SACM1L: variants seen among roughly 807,000 people sequenced by gnomAD.
SACM1L encodes the protein SAC1 like phosphatidylinositide phosphatase, also known as phosphatidylinositol-3-phosphatase SAC1.
Under a neutral mutation model 89.5 loss-of-function variants are expected in SACM1L, and 32 were observed. The ratio of observed to expected loss-of-function variants is 0.36; its 90% CI spans 0.27 to 0.48. SACM1L has a LOEUF of 0.48. SACM1L is among the 20% of genes least tolerant of loss of function. The probability of loss-of-function intolerance (pLI) is 0.99; values close to 1 mark genes in which losing one functional copy is unlikely to be tolerated. For missense variants in SACM1L, 543 were observed against 708.5 expected, an observed-to-expected ratio of 0.77 and a Z score of 2.65; for synonymous variants, 213 against 232.8, an observed-to-expected ratio of 0.92 and a Z score of 0.77.
chr3:45,726,870 T>A (rs374419267), intron 11 of SACM1L, among the ~76,000 whole-genome samples: 3 of 14,310 alleles, frequency 2.1e-4, no homozygotes, highest in South Asian at 1.0e-3. Context: ...GCTTTATTTC[T>A]TTTTTTTTTT....
At chr3:45,737,514 C>G (rs893312734) in intron 14 of SACM1L, 69 bp from the exon 15 acceptor site, 2 of 1,469,552 alleles carry the variant, frequency 1.4e-6, no homozygotes, top group African/African-American at 2.9e-5. Flanking sequence ...TTGGGGACTG[C>G]TTTTTCTTCC....
chr3:45,709,789 T>G, intron 5 of SACM1L, 142 bp downstream of exon 5: 1 of 702,690 alleles, frequency 1.4e-6, no homozygotes. Context: ...ATACCCTGTT[T>G]TAAATATACA....
At chr3:45,690,382 T>C (rs1370945118) in intron 1 of SACM1L, 1 of 152,260 alleles carries the variant, frequency 6.6e-6, no homozygotes, top group Non-Finnish European at 1.5e-5. Flanking sequence ...AGCCTGGGAA[T>C]ATCTGGTAGG....
intron 13 of SACM1L, among the ~76,000 whole-genome samples, chr3:45,734,412 CAAAAA>C (rs571706177): frequency 7.7e-6 from 1 of 129,388 alleles, no homozygotes; most frequent in Admixed American, 7.7e-5. Flanking sequence ...GATTCCATCT[CAAAAA>C]AAAAAGAAAA....
rs559909628 is a variant in SACM1L at position 45,743,902 on chromosome 3, A to G, written c.*233A>G. On this transcript the variant is annotated 3_prime_UTR_variant, in exon 20 of 20. Coordinates refer to ENST00000389061, the MANE Select transcript of SACM1L (RefSeq NM_014016.5). ...TTTGAAGCTATTCTGTAATTAAAAT[A>G]TAACCTGAATTCAGCTTGCAGAATG... 25 of 360,988 alleles carry G rather than the reference A, an allele frequency of 6.9e-5. No homozygotes were observed. The highest frequency in any genetic ancestry group is 3.9e-4 in the African/African-American group (19 of 48,108). The allele number at this position is 360,988 out of a possible 1,614,324, so 22.4% of individuals were successfully genotyped here. A position where few individuals can be genotyped will look rare whatever the true frequency, so the allele number is the denominator to read the frequency against.
At chr3:45,697,294 T>A (rs975261668) in intron 1 of SACM1L, among the ~76,000 whole-genome samples, 1 of 144,738 alleles carries the variant, frequency 6.9e-6, no homozygotes, top group African/African-American at 2.6e-5. Flanking sequence ...TTTTTTTTTT[T>A]AAGACAGGCT....
chr3:45,721,846 T>C (rs548387901), intron 8 of SACM1L, among the ~76,000 whole-genome samples, 154 bp from the exon 9 acceptor site: 2 of 152,332 alleles, frequency 1.3e-5, no homozygotes, highest in East Asian at 3.9e-4. Flanking sequence ...TTTCTGATCA[T>C]GTATAATGAA....
chr3:45,709,341 A>G (rs568439444), intron 4 of SACM1L, among the ~76,000 whole-genome samples, 157 bp from the exon 5 acceptor site: 13 of 152,242 alleles, frequency 8.5e-5, no homozygotes, highest in Admixed American at 2.6e-4. Flanking sequence ...ACTGTCCTAC[A>G]TCCCAGGGAA....
At chr3:45,710,500 C>CTTT (rs11413682) in intron 5 of SACM1L, among the ~76,000 whole-genome samples, 3,146 of 134,052 alleles carry the variant, frequency 0.023, 104 homozygotes, top group African/African-American at 0.078. Context: ...CCCAGTCTGC[C>CTTT]TTTTTTTTTT....
intron 16 of SACM1L, 37 bp from the exon 17 acceptor site, chr3:45,738,541 A>G (rs1019788898): frequency 4.7e-6 from 6 of 1,279,060 alleles, no homozygotes; most frequent in African/African-American, 1.5e-5. Context: ...AATTCAGTGT[A>G]CAAACCTGTA....
intron 19 of SACM1L, among the ~76,000 whole-genome samples, chr3:45,740,419 G>A (rs561784877): frequency 7.2e-5 from 11 of 152,286 alleles, no homozygotes; most frequent in African/African-American, 2.4e-4. Flanking sequence ...GAATTTGCTT[G>A]TGACAGTTTG....
At chr3:45,720,519 T>C (rs1698765000) in intron 8 of SACM1L, among the ~76,000 whole-genome samples, 1 of 152,188 alleles carries the variant, frequency 6.6e-6, no homozygotes, top group Admixed American at 6.5e-5. Flanking sequence ...TATGTGCCCT[T>C]CTCTTCCTCC....
In SACM1L at chr3:45,726,869, C is replaced by CT. The variant is rs1158423503; in HGVS notation, c.921+3353dup. ...CCTCAGCACTGCTTTTGCTTTATTT[C>CT]TTTTTTTTTTTTTTTTTTTTTTTTT... On this transcript the variant is annotated intron_variant, in intron 11 of 19. Transcript: ENST00000389061. 7.8e-3 allele frequency among the ~76,000 whole-genome samples: 406 copies of CT among 52,348 alleles called. 132 individuals carry two copies. Among genetic ancestry groups the CT allele is most frequent in the African/African-American group, 0.026 (284 of 10,790 alleles). The allele number at this position is 52,348 out of a possible 152,430, so 34.3% of individuals were successfully genotyped here. A position where few individuals can be genotyped will look rare whatever the true frequency, so the allele number is the denominator to read the frequency against.
At chr3:45,712,271 G>A (rs551855022) in intron 5 of SACM1L, among the ~76,000 whole-genome samples, 199 of 152,250 alleles carry the variant, frequency 1.3e-3, no homozygotes, top group African/African-American at 4.6e-3. Flanking sequence ...TTGAGACAGA[G>A]TCTTGCTCTG....
At chr3:45,721,487 A>C (rs1698785729) in intron 8 of SACM1L, among the ~76,000 whole-genome samples, 1 of 152,210 alleles carries the variant, frequency 6.6e-6, no homozygotes, top group African/African-American at 2.4e-5. Context: ...ATGCCATTGC[A>C]CTCCAGCCTG....
Position 45,737,524 on chromosome 3 carries a change from C to G in SACM1L, c.1240-59C>G, listed in dbSNP as rs376829991. Reference sequence around the variant, plus strand: ...AAAATTTGGGGACTGCTTTTTCTTCCTAAACCATGTCTGCTAAAATCTATT... The same window carrying G: ...AAAATTTGGGGACTGCTTTTTCTTCGTAAACCATGTCTGCTAAAATCTATT... On this transcript the variant is annotated intron_variant, in intron 14 of 19. Coordinates refer to ENST00000389061, the MANE Select transcript of SACM1L (RefSeq NM_014016.5). 117 of 1,515,456 alleles carry G rather than the reference C, an allele frequency of 7.7e-5. No individual in the cohort carries two copies. In the African/African-American group the frequency reaches 1.5e-3, roughly 20 times the overall value. The allele number at this position is 1,515,456 out of a possible 1,614,324, so 93.9% of individuals were successfully genotyped here. A position where few individuals can be genotyped will look rare whatever the true frequency, so the allele number is the denominator to read the frequency against.
Position 45,744,864 on chromosome 3 carries a change from CACT to C in SACM1L, c.*1196_*1198del, listed in dbSNP as rs1699392089. Reference sequence around the variant, plus strand: ...CACTATTTTAAATAATTCAGTTAAACACTGCTGCAATATTTCAGTGTTGTGCTT... The same window carrying C: ...CACTATTTTAAATAATTCAGTTAAACGCTGCAATATTTCAGTGTTGTGCTT... On this transcript the variant is annotated 3_prime_UTR_variant, in exon 20 of 20. Transcript: ENST00000389061. 6.6e-6 allele frequency: 1 copy of C among 152,420 alleles called. No individual in the cohort carries two copies. Among genetic ancestry groups the C allele is most frequent in the South Asian group, 2.1e-4 (1 of 4,824 alleles). The allele number at this position is 152,420 out of a possible 1,614,324, so 9.4% of individuals were successfully genotyped here.
rs151325040 is a variant in SACM1L, at chr3:45,709,543, A to T, written c.379A>T (p.Asn127Tyr). The T allele has an allele frequency of 4.2e-5, 68 of 1,613,778 alleles. No homozygotes were observed. In the African/African-American group the frequency reaches 8.3e-4, roughly 20 times the overall value. ...CCTAGCGATGCTAAACCATGTCTTGAATGTGGATGGATTTTACTTTTCAAC... is the reference window on the plus strand; with the variant it reads ...CCTAGCGATGCTAAACCATGTCTTGTATGTGGATGGATTTTACTTTTCAAC... ...TFLAMLNHVLNVDGFYFSTTY... is the reference protein window; with the variant it reads ...TFLAMLNHVLYVDGFYFSTTY... Residue 127 changes from asparagine (N) to tyrosine (Y), a missense_variant, in exon 5 of 20, where the codon AAT becomes TAT. Physicochemically the swap from Asn to Tyr is moderately radical, Grantham distance 143. Transcript: ENST00000389061.
intron 11 of SACM1L, chr3:45,730,461 A>G: frequency 6.6e-6 from 1 of 151,762 alleles, no homozygotes; most frequent in Non-Finnish European, 1.5e-5. Flanking sequence ...GACAGGTTTC[A>G]TTGAATTCCA....
Sources: gnomAD v4.1 joint callset for allele counts (sites outside exome capture counted in the v4.1 genomes callset) on GRCh38, gnomAD v4.1.1 for gene constraint, MANE v1.5 for transcripts, NCBI Gene and HGNC (gene_info 2026-07-23, HGNC 2026-07-21) for gene names.